CDC27: variants seen among roughly 807,000 people sequenced by gnomAD.
CDC27 encodes the protein cell division cycle protein 27 homolog.
In CDC27, 27 loss-of-function variants were observed where a neutral mutation model predicts 109.7. The ratio of observed to expected loss-of-function variants is 0.25; its 90% CI spans 0.18 to 0.34. The LOEUF (loss-of-function observed/expected upper bound fraction) is 0.34. Among genes scored for constraint, CDC27 ranks in the 10% least tolerant of loss-of-function variants. CDC27 has a pLI of 1.00. For synonymous variants in CDC27, 266 were observed against 333.9 expected (o/e 0.80, Z 2.22); for missense variants, 579 against 960.2 (o/e 0.60, Z 5.25).
chr17:47,159,477 G>C, intron 4 of CDC27: 1 of 579,474 alleles, frequency 1.7e-6, no homozygotes, highest in South Asian at 2.4e-5. Context: ...CGTGCTCCTG[G>C]GGGTGCGACG....
chr17:47,173,840 C>G (rs1325645605), intron 2 of CDC27, among the ~76,000 whole-genome samples: 2 of 152,236 alleles, frequency 1.3e-5, no homozygotes, highest in Non-Finnish European at 2.9e-5. Flanking sequence ...TGCCTGTAAT[C>G]CTAGCACTTT....
chr17:47,188,917 T>C, intron 1 of CDC27: 2 of 1,385,510 alleles, frequency 1.4e-6, no homozygotes, highest in Non-Finnish European at 1.9e-6. Context: ...AAGGCGGTTA[T>C]TTTCGCCGAA....
chr17:47,164,959 T>G (rs558469727), intron 4 of CDC27, among the ~76,000 whole-genome samples: 1 of 152,180 alleles, frequency 6.6e-6, no homozygotes, highest in African/African-American at 2.4e-5. Flanking sequence ...TAAAACTGTT[T>G]TAATATCCCA....
In CDC27 at chr17:47,119,790, G is replaced by A. The variant is rs1212943040; in HGVS notation, c.*1145C>T. On this transcript the variant is annotated 3_prime_UTR_variant, in exon 19 of 19. Coordinates refer to ENST00000066544, the MANE Select transcript of CDC27 (RefSeq NM_001256.6). ...GAGAACCTATCTCCTTCATAAGAAT[G>A]TTTTTTCCCCCAAGCTAAAAATTTC... 1 of 152,064 alleles carries A rather than the reference G, an allele frequency of 6.6e-6. No individual in the cohort carries two copies. The highest frequency in any genetic ancestry group is 1.9e-4 in the East Asian group (1 of 5,200). 9.4% of individuals were successfully genotyped at this position (152,064 alleles called of 1,614,324 possible).
At chr17:47,158,990 G>A (rs2063406946) in intron 4 of CDC27, among the ~76,000 whole-genome samples, 1 of 152,194 alleles carries the variant, frequency 6.6e-6, no homozygotes, top group African/African-American at 2.4e-5. Flanking sequence ...GAGCTCAAGT[G>A]ATCTGCCCAC....
intron 2 of CDC27, among the ~76,000 whole-genome samples, chr17:47,176,544 T>C (rs1162072884): frequency 1.3e-5 from 2 of 152,168 alleles, no homozygotes; most frequent in East Asian, 3.8e-4. Flanking sequence ...CCTTAGTGTT[T>C]GAGGCAGAAA....
chr17:47,175,039 GAGGAAGGAAGGAAGGAAGGAAGGA>G (rs71138592), intron 2 of CDC27, among the ~76,000 whole-genome samples: 9 of 129,898 alleles, frequency 6.9e-5, no homozygotes, highest in East Asian at 2.3e-4. Flanking sequence ...AAGAGAGAGA[GAGGAAGGAAGGAAGGAAGGAAGGA>G]AGGAAGGAAG....
chr17:47,168,296 T>G (rs1453212089), intron 4 of CDC27, among the ~76,000 whole-genome samples: 1 of 152,112 alleles, frequency 6.6e-6, no homozygotes, highest in Non-Finnish European at 1.5e-5. Flanking sequence ...TTGCTGCCAG[T>G]CCCCATCCTG....
At chr17:47,128,143 G>T (rs113668271) in intron 16 of CDC27, among the ~76,000 whole-genome samples, 18 of 152,078 alleles carry the variant, frequency 1.2e-4, no homozygotes, top group African/African-American at 3.6e-4. Flanking sequence ...TGATTCTCGT[G>T]CCTCAGCCTC....
At chr17:47,158,713 C>G (rs1020894532) in intron 4 of CDC27, among the ~76,000 whole-genome samples, 8 of 151,578 alleles carry the variant, frequency 5.3e-5, no homozygotes, top group African/African-American at 1.9e-4. Flanking sequence ...CTACTTCCTA[C>G]GCTAAAGCCA....
In CDC27 at chr17:47,118,432, G is replaced by T; in HGVS notation, c.*2503C>A. The T allele has an allele frequency of 6.5e-6, 1 of 152,948 alleles. No homozygotes were observed. 9.5% of individuals were successfully genotyped at this position (152,948 alleles called of 1,614,324 possible). On this transcript the variant is annotated 3_prime_UTR_variant, in exon 19 of 19. Coordinates refer to ENST00000066544, the MANE Select transcript of CDC27 (RefSeq NM_001256.6). ...TCCCAGAGTTAAGAACCATTTCCAA[G>T]GGGAAAAACAAATCCAAGGCCACAA...
Position 47,122,556 on chromosome 17 carries a change from G to A in CDC27, c.2280C>T (p.Phe760=), listed in dbSNP as rs2062011071. The A allele has an allele frequency of 1.1e-5, 17 of 1,611,468 alleles. No individual in the cohort carries two copies. Among genetic ancestry groups the A allele is most frequent in the Non-Finnish European group, 1.4e-5 (16 of 1,178,492 alleles). Reference sequence around the variant, plus strand: ...TAGGATCTAAATCCATAGCCCAAGAGAAATTCATCAGGGCGAGGTGCGTTT... The same window carrying A: ...TAGGATCTAAATCCATAGCCCAAGAAAAATTCATCAGGGCGAGGTGCGTTT... The part of the protein sequence containing the change: ...LGQTHLALMN[F]SWAMDLDPKG... The change falls in exon 18 of 19, where the codon TTC becomes TTT. Residue 760 remains phenylalanine (F), a synonymous_variant. Coordinates refer to ENST00000066544, the MANE Select transcript of CDC27 (RefSeq NM_001256.6).
chr17:47,160,649 G>GA (rs1176933652), intron 4 of CDC27, among the ~76,000 whole-genome samples: 9 of 151,908 alleles, frequency 5.9e-5, no homozygotes, highest in Admixed American at 3.9e-4. Flanking sequence ...ATATCAAATG[G>GA]AAAAAAATTC....
intron 2 of CDC27, among the ~76,000 whole-genome samples, chr17:47,179,633 A>G (rs1567720476): frequency 6.6e-6 from 1 of 152,164 alleles, no homozygotes; most frequent in Non-Finnish European, 1.5e-5. Flanking sequence ...AATTATTGTT[A>G]TTATTACTGA....
At chr17:47,149,091 A>AAAAAAG (rs1568406045) in intron 9 of CDC27, among the ~76,000 whole-genome samples, 1 of 151,648 alleles carries the variant, frequency 6.6e-6, no homozygotes, top group East Asian at 1.9e-4. Flanking sequence ...AAAAAAAAAA[A>AAAAAAG]AAAAAGAAAA....
At chr17:47,133,143 T>C (rs1474961726) in intron 14 of CDC27, among the ~76,000 whole-genome samples, 1 of 137,362 alleles carries the variant, frequency 7.3e-6, no homozygotes, top group Non-Finnish European at 1.5e-5. Flanking sequence ...ATATAATATA[T>C]ATGTATTTTT....
At chr17:47,129,645 T>C (rs1264790200) in intron 15 of CDC27, 124 bp from the exon 16 acceptor site, 8 of 558,148 alleles carry the variant, frequency 1.4e-5, no homozygotes, top group Non-Finnish European at 2.5e-5. Flanking sequence ...TCTAACTGGA[T>C]TGTCCACTGC....
chr17:47,168,358 A>G (rs953804258), intron 4 of CDC27, among the ~76,000 whole-genome samples: 1 of 152,168 alleles, frequency 6.6e-6, no homozygotes, highest in Non-Finnish European at 1.5e-5. Context: ...ATACAAAAAG[A>G]TATCACTTTG....
intron 9 of CDC27, among the ~76,000 whole-genome samples, chr17:47,148,683 T>C (rs150022690): frequency 7.9e-5 from 12 of 152,210 alleles, no homozygotes; most frequent in Non-Finnish European, 1.5e-4. Flanking sequence ...AAAGACATAT[T>C]ACTACATATA....
Sources: gnomAD v4.1 joint callset for allele counts (sites outside exome capture counted in the v4.1 genomes callset) on GRCh38, gnomAD v4.1.1 for gene constraint, MANE v1.5 for transcripts, NCBI Gene and HGNC (gene_info 2026-07-23, HGNC 2026-07-21) for gene names.